CAPN14: variants seen among roughly 807,000 people sequenced by gnomAD.
CAPN14 encodes the protein calpain-14.
Under a neutral mutation model 101.3 loss-of-function variants are expected in CAPN14, and 94 were observed. The ratio of observed to expected loss-of-function variants is 0.93; its 90% CI spans 0.79 to 1.10. The LOEUF is 1.10. Among genes scored for constraint, CAPN14 ranks in the 50% least tolerant of loss-of-function variants. The pLI is 0.00. For missense variants in CAPN14, 837 were observed against 828.4 expected, an observed-to-expected ratio of 1.01 and a Z score of -0.13; for synonymous variants, 338 against 317.9, an observed-to-expected ratio of 1.06 and a Z score of -0.67.
chr2:31,224,774 GTAATAATAATAAACTA>G (rs1682971096), intron 2 of CAPN14, among the ~76,000 whole-genome samples: 2 of 151,846 alleles, frequency 1.3e-5, no homozygotes, highest in African/African-American at 4.8e-5. Context: ...TATTTCATTT[GTAATAATAATAAACTA>G]TAAAATATCT....
intron 16 of CAPN14, among the ~76,000 whole-genome samples, chr2:31,182,865 C>G (rs564410691): frequency 6.6e-6 from 1 of 151,476 alleles, no homozygotes; most frequent in Admixed American, 6.6e-5. Flanking sequence ...CAAAAAAGAG[C>G]CCGCATCGCC....
chr2:31,181,386 T>TTATC (rs1171284901), intron 16 of CAPN14, among the ~76,000 whole-genome samples: 1 of 131,278 alleles, frequency 7.6e-6, no homozygotes, highest in East Asian at 2.1e-4. Flanking sequence ...TCTTTTCTTT[T>TTATC]TTTCTTTCTT....
chr2:31,226,277 T>A lies in CAPN14; in HGVS notation c.-53+251A>T, dbSNP rs186526552. On this transcript the variant is annotated intron_variant and NMD_transcript_variant, in intron 2 of 21. Transcript: ENST00000398824. Reference sequence around the variant, plus strand: ...CCCACGCTCATAGGTTCTGCCTTTATCAGGTTCTCTGTGCTCACAGACATT... The same window carrying A: ...CCCACGCTCATAGGTTCTGCCTTTAACAGGTTCTCTGTGCTCACAGACATT... Among the ~76,000 whole-genome samples the A allele has an allele frequency of 5.0e-3, 755 of 152,342 alleles. 11 individuals carry two copies. Among genetic ancestry groups the A allele is most frequent in the Non-Finnish European group, 5.7e-3 (386 of 68,036 alleles).
In CAPN14 at chr2:31,197,798, A is replaced by G. The variant is rs146719136; in HGVS notation, c.790-464T>C. 1.7e-3 allele frequency among the ~76,000 whole-genome samples: 256 copies of G among 152,264 alleles called. 1 individual carries two copies. Among genetic ancestry groups the G allele is most frequent in the African/African-American group, 5.9e-3 (247 of 41,550 alleles). On this transcript the variant is annotated intron_variant, in intron 7 of 21. Coordinates refer to ENST00000403897, the MANE Select transcript of CAPN14 (RefSeq NM_001145122.2). ...AGGCCACGTGAAGATGGAGGCAGAG[A>G]ATGGAGTTATGTAGACCAAGCCAAG...
rs1375601922 is a variant in CAPN14 at position 31,210,228 on chromosome 2, G to A, written c.-52-4729C>T. 6.6e-5 allele frequency among the ~76,000 whole-genome samples: 10 copies of A among 152,236 alleles called. No homozygotes were observed. In the East Asian group the frequency reaches 1.9e-3, roughly 29 times the overall value. ...GGAGGCTGAGGAGGGCGGATCACGA[G>A]GTCAAGAGATCAAGACCATCCTGGC... On this transcript the variant is annotated intron_variant, in intron 1 of 21. Transcript: ENST00000403897.
At position 31,193,299 on chromosome 2, in the gene CAPN14, G is replaced by A; in HGVS notation, c.951-5C>T. The A allele has an allele frequency of 1.9e-6, 3 of 1,551,298 alleles. No homozygotes were observed. Among genetic ancestry groups the A allele is most frequent in the Non-Finnish European group, 2.6e-6 (3 of 1,146,818 alleles). On this transcript the variant is annotated splice_region_variant and splice_polypyrimidine_tract_variant and intron_variant, in intron 9 of 21. Transcript: ENST00000403897. Reference sequence around the variant, plus strand: ...TTAAAGTCCTGCAGCGTCATCCTGTGGAGAGAAGAAGGAAAAGCACAAAGA... The same window carrying A: ...TTAAAGTCCTGCAGCGTCATCCTGTAGAGAGAAGAAGGAAAAGCACAAAGA...
At chr2:31,178,386 G>T in intron 18 of CAPN14, 125 bp downstream of exon 18, 1 of 727,490 alleles carries the variant, frequency 1.4e-6, no homozygotes, top group Admixed American at 2.3e-5. Context: ...ACCGAAGGGA[G>T]AATAGAGAAG....
At chr2:31,176,686 G>A in intron 20 of CAPN14, 44 bp from the exon 21 acceptor site, 1 of 1,478,746 alleles carries the variant, frequency 6.8e-7, no homozygotes, top group Non-Finnish European at 9.3e-7. Context: ...TGTGTCTATT[G>A]GAAACATTAT....
At chr2:31,177,444 C>T (rs1036182404) in intron 19 of CAPN14, among the ~76,000 whole-genome samples, 3 of 152,158 alleles carry the variant, frequency 2.0e-5, no homozygotes, top group South Asian at 2.1e-4. Flanking sequence ...CTTGGGAGCC[C>T]GGCAGTCCTG....
At chr2:31,177,170 G>C (rs1680343573) in intron 19 of CAPN14, 28 bp from the exon 20 acceptor site, 8 of 1,504,806 alleles carry the variant, frequency 5.3e-6, no homozygotes, top group Non-Finnish European at 5.4e-6. Context: ...TCCTGCTGTG[G>C]GTATTGGGGG....
At chr2:31,213,267 C>A (rs931830891) in intron 1 of CAPN14, among the ~76,000 whole-genome samples, 2 of 152,192 alleles carry the variant, frequency 1.3e-5, no homozygotes, top group African/African-American at 2.4e-5. Context: ...ACTGTGCCTA[C>A]TCTCAGAACT....
chr2:31,208,140 A>G (rs145322310), intron 1 of CAPN14, among the ~76,000 whole-genome samples: 5 of 151,886 alleles, frequency 3.3e-5, no homozygotes, highest in African/African-American at 7.3e-5. Flanking sequence ...GCTGTTACTC[A>G]GGTCTTTTAT....
Position 31,177,016 on chromosome 2 carries a change from G to A in CAPN14, c.1972+10C>T, listed in dbSNP as rs748750407. 27 of 1,542,182 alleles carry A rather than the reference G, an allele frequency of 1.8e-5. No homozygotes were observed. In the South Asian group the frequency reaches 2.0e-4, roughly 12 times the overall value. ...AAGACCTGGCCCTCCCCAGCTTCCCGCCAGCTTACCCTCCATGTTCTCTAC... is the reference window on the plus strand; with the variant it reads ...AAGACCTGGCCCTCCCCAGCTTCCCACCAGCTTACCCTCCATGTTCTCTAC... On this transcript the variant is annotated intron_variant, in intron 20 of 21. Transcript: ENST00000403897.
upstream of CAPN14, among the ~76,000 whole-genome samples, chr2:31,219,455 A>C (rs924179953): frequency 2.0e-5 from 3 of 152,354 alleles, no homozygotes; most frequent in African/African-American, 7.2e-5. Flanking sequence ...AGGCACAGGC[A>C]ATCCTGACCC....
intron 2 of CAPN14, among the ~76,000 whole-genome samples, chr2:31,203,673 C>T (rs1320340353): frequency 6.6e-6 from 1 of 152,148 alleles, no homozygotes; most frequent in Non-Finnish European, 1.5e-5. Flanking sequence ...TCTATGTCAG[C>T]AGTTCCCAGG....
chr2:31,198,911 T>C (rs1189763928), intron 7 of CAPN14, among the ~76,000 whole-genome samples: 1 of 152,214 alleles, frequency 6.6e-6, no homozygotes, highest in Non-Finnish European at 1.5e-5. Flanking sequence ...CCCAACTCGA[T>C]GGAGGTCTTT....
At position 31,182,991 on chromosome 2, in the gene CAPN14, T is replaced by C. The variant is rs540461869; in HGVS notation, c.1646-1991A>G. Among the ~76,000 whole-genome samples the C allele has an allele frequency of 8.8e-3, 1,344 of 152,196 alleles. 24 individuals are homozygous for C. The highest frequency in any genetic ancestry group is 0.03 in the African/African-American group (1,257 of 41,494). On this transcript the variant is annotated intron_variant, in intron 16 of 21. Transcript: ENST00000403897. ...TGGTACTGGAACCAAAACAGAGATA[T>C]AGATCAATGGAACAGAACAGAGCCC...
chr2:31,198,725 C>G (rs780062210), intron 7 of CAPN14, among the ~76,000 whole-genome samples: 4 of 152,124 alleles, frequency 2.6e-5, no homozygotes, highest in Non-Finnish European at 4.4e-5. Flanking sequence ...AAGAGTTGGG[C>G]CCTCTAGAGA....
At chr2:31,177,891 C>T in intron 18 of CAPN14, 70 bp from the exon 19 acceptor site, 1 of 1,113,068 alleles carries the variant, frequency 9.0e-7, no homozygotes, top group South Asian at 1.3e-5. Context: ...CCCTGTGTGC[C>T]CCTTGTCAGC....
Sources: allele counts gnomAD v4.1 joint callset (sites outside exome capture counted in the v4.1 genomes callset), GRCh38; gene constraint gnomAD v4.1.1; transcripts MANE v1.5; gene names NCBI Gene and HGNC (gene_info 2026-07-23, HGNC 2026-07-21).